Variants in KCNK12 observed in about 807,000 individuals in gnomAD.
KCNK12 encodes potassium two pore domain channel subfamily K member 12, also known as potassium channel subfamily K member 12.
Under a neutral mutation model 25.3 loss-of-function variants are expected in KCNK12, and 6 were observed. That is an observed-to-expected ratio of 0.24 (90% CI 0.13 to 0.47). The LOEUF (loss-of-function observed/expected upper bound fraction) is 0.47, where lower values mean the gene tolerates loss of function less well. Among genes scored for constraint, KCNK12 ranks in the 20% least tolerant of loss-of-function variants. The pLI is 0.99. For synonymous variants in KCNK12, 331 were observed against 311.1 expected, an observed-to-expected ratio of 1.06 and a Z score of -0.67; for missense variants, 444 against 661.7, an observed-to-expected ratio of 0.67 and a Z score of 3.61.
At chr2:47,561,313 C>T (rs1245360629) in intron 1 of KCNK12, among the ~76,000 whole-genome samples, 2 of 152,226 alleles carry the variant, frequency 1.3e-5, no homozygotes, top group Admixed American at 6.5e-5. Context: ...CCACCAATTA[C>T]ATCCTTGACA....
In KCNK12 at chr2:47,512,274, AT is replaced by A. The variant is rs1573613622; in HGVS notation, c.*8632del. The A allele has an allele frequency of 1.2e-6, 2 of 1,610,848 alleles. No homozygotes were observed. The highest frequency in any genetic ancestry group is 1.7e-6 in the Non-Finnish European group (2 of 1,179,050). On this transcript the variant is annotated 3_prime_UTR_variant, in exon 2 of 2. Transcript: ENST00000327876. ...ATGGAAATCCCCGTGGAACTCCTACATTTTCTCCTCTCTTCTCCTTCCTTTC... is the reference window on the plus strand; with the variant it reads ...ATGGAAATCCCCGTGGAACTCCTACATTTCTCCTCTCTTCTCCTTCCTTTC...
chr2:47,558,962 G>T (rs929297811), intron 1 of KCNK12, among the ~76,000 whole-genome samples: 2 of 152,246 alleles, frequency 1.3e-5, no homozygotes, highest in Non-Finnish European at 2.9e-5. Context: ...AGAACCACTG[G>T]ACTGAGAGGT....
chr2:47,564,251 A>T (rs1669745865), intron 1 of KCNK12: 1 of 230,614 alleles, frequency 4.3e-6, no homozygotes, highest in Non-Finnish European at 8.6e-6. Flanking sequence ...AGGCTCAGAT[A>T]CAAAGAGACC....
At chr2:47,524,100 T>C (rs10495945) in intron 1 of KCNK12, among the ~76,000 whole-genome samples, 83,575 of 152,074 alleles carry the variant, frequency 0.55, 25,247 homozygotes, top group African/African-American at 0.81. Context: ...ATGTTACCCA[T>C]GTTGAGGAAG....
In KCNK12 at chr2:47,514,085, C is replaced by G. The variant is rs971059655; in HGVS notation, c.*6822G>C. ...CATTACCTCCCTTGCTCTGCATGCT[C>G]CAGTCCTGCAGAACTACACACAGTT... On this transcript the variant is annotated 3_prime_UTR_variant, in exon 2 of 2. Coordinates refer to ENST00000327876, the MANE Select transcript of KCNK12 (RefSeq NM_022055.2). The surrounding 1 kb of genome is among the most constrained non-coding windows in gnomAD (Gnocchi z 5.0). Among the ~76,000 whole-genome samples the G allele has an allele frequency of 1.3e-5, 2 of 152,180 alleles. No individual in the cohort carries two copies. The highest frequency in any genetic ancestry group is 2.1e-4 in the South Asian group (1 of 4,828).
intron 1 of KCNK12, chr2:47,564,518 T>G (rs984610532): frequency 9.4e-6 from 2 of 212,836 alleles, no homozygotes; most frequent in Non-Finnish European, 1.9e-5. Context: ...AAAATTAGAC[T>G]ACGTGAAAAC....
chr2:47,515,289 T>A lies in KCNK12; in HGVS notation c.*5618A>T, dbSNP rs746985735. Among the ~76,000 whole-genome samples, 3 of 152,210 alleles carry A rather than the reference T, an allele frequency of 2.0e-5. No individual in the cohort carries two copies. Among genetic ancestry groups the A allele is most frequent in the African/African-American group, 7.2e-5 (3 of 41,456 alleles). On this transcript the variant is annotated 3_prime_UTR_variant, in exon 2 of 2. Transcript: ENST00000327876. ...TTCTCAGATTGCTGGGTGTAATTCA[T>A]AGGCAGATCATGAAATCAGTTTAAT...
At chr2:47,563,630 G>A (rs1669729817) in intron 1 of KCNK12, 2 of 233,030 alleles carry the variant, frequency 8.6e-6, no homozygotes, top group Non-Finnish European at 1.7e-5. Flanking sequence ...TTCAGGGAGC[G>A]GGCGGCAACT....
In KCNK12 at chr2:47,532,967, A is replaced by ACTC. The variant is rs543019708; in HGVS notation, c.392-11160_392-11159insGAG. 4.6e-4 allele frequency among the ~76,000 whole-genome samples: 70 copies of ACTC among 152,024 alleles called. No homozygotes were observed. In the South Asian group the frequency reaches 0.014, roughly 29 times the overall value. Reference sequence around the variant, plus strand: ...ATGGACACATTCCTTACCTTCTCGGACCCTCGCTTCTCCCTCTAAAAATGG... The same window carrying ACTC: ...ATGGACACATTCCTTACCTTCTCGGACTCCCCTCGCTTCTCCCTCTAAAAATGG... On this transcript the variant is annotated intron_variant, in intron 1 of 1. Coordinates refer to ENST00000327876, the MANE Select transcript of KCNK12 (RefSeq NM_022055.2).
rs569471333 is a variant in KCNK12 at position 47,519,842 on chromosome 2, C to G, written c.*1065G>C. The G allele has an allele frequency of 6.6e-6, 1 of 152,330 alleles. No individual in the cohort carries two copies. Among genetic ancestry groups the G allele is most frequent in the African/African-American group, 2.4e-5 (1 of 41,570 alleles). 9.4% of individuals were successfully genotyped at this position (152,330 alleles called of 1,614,324 possible). A position where few individuals can be genotyped will look rare whatever the true frequency, so the allele number is the denominator to read the frequency against. On this transcript the variant is annotated 3_prime_UTR_variant, in exon 2 of 2. Transcript: ENST00000327876. Reference sequence around the variant, plus strand: ...TTTGCAAGATGGCTTCTTTTGGGTTCCTGGTGCTGCAGGCCCTGGTTCCCA... The same window carrying G: ...TTTGCAAGATGGCTTCTTTTGGGTTGCTGGTGCTGCAGGCCCTGGTTCCCA...
intron 1 of KCNK12, among the ~76,000 whole-genome samples, chr2:47,526,419 A>AAG (rs386390124): frequency 6.7e-6 from 1 of 149,326 alleles, no homozygotes; most frequent in Non-Finnish European, 1.5e-5. Flanking sequence ...AAAAAAAAAA[A>AAG]AGAGAAAGAA....
rs1322881106 is a variant in KCNK12 at position 47,560,573 on chromosome 2, G to C, written c.391+9368C>G. On this transcript the variant is annotated intron_variant, in intron 1 of 1. Transcript: ENST00000327876. The surrounding 1 kb of genome is among the most constrained non-coding windows in gnomAD (Gnocchi z 4.7). ...AGATCTTGAGCAGTCAGGAGCCGTG[G>C]ATCCTCTATTCTGCCATTGACTGAC... Among the ~76,000 whole-genome samples, 1 of 152,186 alleles carries C rather than the reference G, an allele frequency of 6.6e-6. No individual in the cohort carries two copies.
Position 47,560,900 on chromosome 2 carries a change from T to G in KCNK12, c.391+9041A>C, listed in dbSNP as rs1355725634. Among the ~76,000 whole-genome samples, 1 of 152,178 alleles carries G rather than the reference T, an allele frequency of 6.6e-6. No individual in the cohort carries two copies. The highest frequency in any genetic ancestry group is 2.4e-5 in the African/African-American group (1 of 41,448). ...CCTCCCCTGGCCCCAGATCCTGTCC[T>G]GCTCCGGGAGGCTTCTGCCTGGGAA... On this transcript the variant is annotated intron_variant, in intron 1 of 1. Transcript: ENST00000327876. This position sits in a 1 kb window ranked among gnomAD's most constrained non-coding sequence, Gnocchi z 4.7.
intron 1 of KCNK12, among the ~76,000 whole-genome samples, chr2:47,568,271 C>T (rs1207873286): frequency 1.3e-5 from 2 of 151,380 alleles, no homozygotes; most frequent in African/African-American, 2.4e-5. Context: ...ATGTCATCCT[C>T]TAGGACTAAG....
At chr2:47,537,435 A>G (rs1669098079) in intron 1 of KCNK12, among the ~76,000 whole-genome samples, 1 of 151,438 alleles carries the variant, frequency 6.6e-6, no homozygotes, top group Non-Finnish European at 1.5e-5. Flanking sequence ...GGTTCAAGTG[A>G]TTCTCCTGCC....
intron 1 of KCNK12, among the ~76,000 whole-genome samples, chr2:47,523,163 A>G (rs192056429): frequency 1.3e-5 from 2 of 152,374 alleles, no homozygotes; most frequent in African/African-American, 2.4e-5. Context: ...TTAGGGAAGC[A>G]TTCCATAGGG....
chr2:47,567,554 A>G (rs1251175212), intron 1 of KCNK12, among the ~76,000 whole-genome samples: 3 of 152,202 alleles, frequency 2.0e-5, no homozygotes, highest in Non-Finnish European at 4.4e-5. Flanking sequence ...AACTTATCTG[A>G]CTGATGGAAG....
chr2:47,520,926 TCGGCC>T lies in KCNK12; in HGVS notation c.1269_1273del (p.Ala424AspfsTer37), dbSNP rs946690281. ...GGCGGTCTACCTGGAGGCGCTGGTC[TCGGCC>T]AGCCGGTTGTTCATGATGCCCAGCG... On this transcript the variant is annotated frameshift_variant, in exon 2 of 2. Coordinates refer to ENST00000327876, the MANE Select transcript of KCNK12 (RefSeq NM_022055.2). LOFTEE classifies it high-confidence loss of function. The surrounding 1 kb of genome is among the most constrained non-coding windows in gnomAD (Gnocchi z 5.0). 1 of 1,265,082 alleles carries T rather than the reference TCGGCC, an allele frequency of 7.9e-7. No homozygotes were observed. Among genetic ancestry groups the T allele is most frequent in the African/African-American group, 1.5e-5 (1 of 64,672 alleles). 78.4% of individuals were successfully genotyped at this position (1,265,082 alleles called of 1,614,324 possible).
At position 47,515,926 on chromosome 2, in the gene KCNK12, C is replaced by T. The variant is rs769134508; in HGVS notation, c.*4981G>A. On this transcript the variant is annotated 3_prime_UTR_variant, in exon 2 of 2. Coordinates refer to ENST00000327876, the MANE Select transcript of KCNK12 (RefSeq NM_022055.2). ...CAATAGGGCAGCCTGGTCCCATATC[C>T]TCATGAAATGCCTCTTATAATTGTG... Among the ~76,000 whole-genome samples, 11 of 152,200 alleles carry T rather than the reference C, an allele frequency of 7.2e-5. No homozygotes were observed. Among genetic ancestry groups the T allele is most frequent in the African/African-American group, 9.6e-5 (4 of 41,452 alleles).
Sources: gnomAD v4.1 joint callset for allele counts (sites outside exome capture counted in the v4.1 genomes callset) on GRCh38, gnomAD v4.1.1 for gene constraint, Gnocchi (gnomAD v3.1) non-coding constraint, MANE v1.5 for transcripts, NCBI Gene and HGNC (gene_info 2026-07-23, HGNC 2026-07-21) for gene names.